Variants in NDUFAB1 observed in about 807,000 individuals in gnomAD.
The protein encoded by NDUFAB1 is acyl carrier protein, mitochondrial.
Under a neutral mutation model 16.1 loss-of-function variants are expected in NDUFAB1, and 5 were observed. The ratio of observed to expected loss-of-function variants is 0.31; its 90% CI spans 0.16 to 0.65. The LOEUF is 0.65. Ranked by LOEUF, NDUFAB1 falls within the 30% of genes least tolerant of loss-of-function variation. The probability of loss-of-function intolerance (pLI) is 0.77; values close to 1 mark genes in which losing one functional copy is unlikely to be tolerated. For synonymous variants in NDUFAB1, 85 were observed against 78.4 expected, an observed-to-expected ratio of 1.08 and a Z score of -0.44; for missense variants, 187 against 205.3, an observed-to-expected ratio of 0.91 and a Z score of 0.54.
rs1966311791 is a variant in NDUFAB1 at position 23,595,034 on chromosome 16, C to T, written c.168+1089G>A. On this transcript the variant is annotated intron_variant, in intron 1 of 4. Transcript: ENST00000007516. ...TTGGGAGGCCGAGGCGGGTGGATTGCGAGGTCGGGAGTTCAAGACCAACCT... is the reference window on the plus strand; with the variant it reads ...TTGGGAGGCCGAGGCGGGTGGATTGTGAGGTCGGGAGTTCAAGACCAACCT... Among the ~76,000 whole-genome samples, 3 of 151,778 alleles carry T rather than the reference C, an allele frequency of 2.0e-5. No individual in the cohort carries two copies. In the South Asian group the frequency reaches 6.2e-4, roughly 32 times the overall value.
At chr16:23,583,672 A>C (rs1427603384) in intron 3 of NDUFAB1, among the ~76,000 whole-genome samples, 1 of 107,296 alleles carries the variant, frequency 9.3e-6, no homozygotes, top group African/African-American at 4.0e-5. Flanking sequence ...GCCCCGTCTG[A>C]GAAGTGAGGA....
At chr16:23,585,469 T>A in intron 2 of NDUFAB1, 46 bp from the exon 3 acceptor site, 2 of 1,359,366 alleles carry the variant, frequency 1.5e-6, no homozygotes, top group East Asian at 4.6e-5. Flanking sequence ...CATGAAAGCA[T>A]CTGCTTCCCA....
chr16:23,594,715 T>C (rs940284504), intron 1 of NDUFAB1, among the ~76,000 whole-genome samples: 3 of 149,738 alleles, frequency 2.0e-5, no homozygotes, highest in Non-Finnish European at 3.0e-5. Context: ...CTCAAACTCC[T>C]GGGCTCAAGC....
intron 1 of NDUFAB1, among the ~76,000 whole-genome samples, chr16:23,595,218 G>A (rs1479313334): frequency 2.0e-5 from 3 of 152,132 alleles, no homozygotes; most frequent in Non-Finnish European, 4.4e-5. Context: ...GCAGTGAGCT[G>A]AGATCACGCC....
intron 3 of NDUFAB1, among the ~76,000 whole-genome samples, chr16:23,584,207 T>C (rs1307114629): frequency 1.7e-5 from 2 of 118,548 alleles, no homozygotes; most frequent in Non-Finnish European, 3.3e-5. Context: ...TATTGTCCTA[T>C]GACCCTGCCA....
intron 1 of NDUFAB1, among the ~76,000 whole-genome samples, chr16:23,595,884 G>C (rs777597959): frequency 6.6e-6 from 1 of 152,232 alleles, no homozygotes; most frequent in Non-Finnish European, 1.5e-5. Flanking sequence ...CAAAGTTTCG[G>C]TAAGCGGCAG....
intron 1 of NDUFAB1, among the ~76,000 whole-genome samples, chr16:23,592,146 T>C (rs1233213795): frequency 1.3e-5 from 2 of 152,054 alleles, no homozygotes; most frequent in Admixed American, 1.3e-4. Flanking sequence ...GGAAAAGAGC[T>C]GAGACTGATA....
chr16:23,584,921 G>C (rs1028577754), intron 3 of NDUFAB1, among the ~76,000 whole-genome samples: 10 of 152,260 alleles, frequency 6.6e-5, no homozygotes, highest in African/African-American at 2.4e-4. Context: ...ACCAAGGCCA[G>C]AGGCTCTGGG....
Position 23,587,329 on chromosome 16 carries a change from C to T in NDUFAB1, c.169-10G>A, listed in dbSNP as rs1211400147. On this transcript the variant is annotated splice_polypyrimidine_tract_variant and intron_variant, in intron 1 of 4. Transcript: ENST00000007516. ...TAACTCTACCAGGAACCTAGAGCGA[C>T]GGCAGGAAGGAAACACTGTCATTGA... is the stretch of plus-strand genomic sequence containing the variant. 11 of 1,612,224 alleles carry T rather than the reference C, an allele frequency of 6.8e-6. No individual in the cohort carries two copies. The highest frequency in any genetic ancestry group is 1.3e-5 in the African/African-American group (1 of 74,798).
chr16:23,595,076 C>A (rs1966312213), intron 1 of NDUFAB1, among the ~76,000 whole-genome samples: 1 of 151,952 alleles, frequency 6.6e-6, no homozygotes, highest in African/African-American at 2.4e-5. Flanking sequence ...TATGATGAAA[C>A]CCCGTCTCCA....
intron 3 of NDUFAB1, among the ~76,000 whole-genome samples, chr16:23,583,161 T>C (rs1966197666): frequency 6.6e-6 from 1 of 152,230 alleles, no homozygotes; most frequent in Admixed American, 6.5e-5. Flanking sequence ...TGATCTCGGC[T>C]AGCTACAACC....
At chr16:23,583,618 AGCCGCCCCG>A (rs576902738) in intron 3 of NDUFAB1, among the ~76,000 whole-genome samples, 5,856 of 125,788 alleles carry the variant, frequency 0.047, 591 homozygotes, top group African/African-American at 0.096. Context: ...TCCGCCCGGC[AGCCGCCCCG>A]TCTGAGAAGT....
At chr16:23,596,040 C>A in intron 1 of NDUFAB1, 83 bp downstream of exon 1, 2 of 1,483,852 alleles carry the variant, frequency 1.3e-6, no homozygotes, top group Non-Finnish European at 1.8e-6. Context: ...CTGCAGCTGG[C>A]GCGCCCCGGA....
chr16:23,581,196 A>C (rs1437415427), intron 4 of NDUFAB1, 23 bp from the exon 5 acceptor site: 2 of 152,482 alleles, frequency 1.3e-5, no homozygotes, highest in African/African-American at 4.8e-5. Flanking sequence ...AAATAAGTTC[A>C]ATGTTATTTT....
chr16:23,588,402 C>T (rs759202065), intron 1 of NDUFAB1, among the ~76,000 whole-genome samples: 3 of 151,938 alleles, frequency 2.0e-5, no homozygotes, highest in Non-Finnish European at 4.4e-5. Flanking sequence ...TGCAGTGAGC[C>T]GAGCCTGCGC....
At position 23,583,614 on chromosome 16, in the gene NDUFAB1, C is replaced by T. The variant is rs1336641256; in HGVS notation, c.380-1239G>A. Among the ~76,000 whole-genome samples the T allele has an allele frequency of 2.2e-4, 27 of 120,094 alleles. 2 individuals carry two copies. In the Middle Eastern group the frequency reaches 0.012, roughly 54 times the overall value. 78.8% of individuals were successfully genotyped at this position (120,094 alleles called of 152,430 possible). On this transcript the variant is annotated intron_variant, in intron 3 of 4. Coordinates refer to ENST00000007516, the MANE Select transcript of NDUFAB1 (RefSeq NM_005003.3). ...CTGAGAAGTGAGGAGCCCCTCCGCCCGGCAGCCGCCCCGTCTGAGAAGTGA... is the reference window on the plus strand; with the variant it reads ...CTGAGAAGTGAGGAGCCCCTCCGCCTGGCAGCCGCCCCGTCTGAGAAGTGA...
chr16:23,591,980 ACT>A (rs1353179059), intron 1 of NDUFAB1, among the ~76,000 whole-genome samples: 3 of 152,176 alleles, frequency 2.0e-5, no homozygotes, highest in African/African-American at 7.2e-5. Context: ...AGAAGCTTAC[ACT>A]CTAATGGAAA....
intron 1 of NDUFAB1, among the ~76,000 whole-genome samples, chr16:23,591,358 G>A (rs549821156): frequency 6.6e-6 from 1 of 152,282 alleles, no homozygotes; most frequent in South Asian, 2.1e-4. Context: ...TCAAACAGAT[G>A]AGGTTCCATC....
rs758299771 is a variant in NDUFAB1 at position 23,582,307 on chromosome 16, C to T, written c.448G>A (p.Asp150Asn). The change falls in exon 4 of 5, where the codon GAT becomes AAT. Residue 150 changes from aspartate to asparagine, a missense_variant. Coordinates refer to ENST00000007516, the MANE Select transcript of NDUFAB1 (RefSeq NM_005003.3). ...CPQEIVDYIA[D>N]KKDVYE The stretch of plus-strand genomic sequence containing the variant: ...CTTTATTCATATACATCCTTCTTAT[C>T]TGCAATGTAATCTACAATTTCTTGT... 61 of 1,571,790 alleles carry T rather than the reference C, an allele frequency of 3.9e-5. No individual in the cohort carries two copies. The highest frequency in any genetic ancestry group is 5.2e-5 in the Non-Finnish European group (60 of 1,160,690).
Sources: gnomAD v4.1 joint callset for allele counts (sites outside exome capture counted in the v4.1 genomes callset) on GRCh38, gnomAD v4.1.1 for gene constraint, MANE v1.5 for transcripts, NCBI Gene and HGNC (gene_info 2026-07-23, HGNC 2026-07-21) for gene names.